CEP83: variants seen among roughly 807,000 people sequenced by gnomAD.
CEP83 encodes the protein centrosomal protein 83, also known as centrosomal protein of 83 kDa.
Under a neutral mutation model 101.9 loss-of-function variants are expected in CEP83, and 70 were observed. The ratio of observed to expected loss-of-function variants is 0.69; its 90% CI spans 0.57 to 0.84. The LOEUF is 0.84. Among genes scored for constraint, CEP83 ranks in the 40% least tolerant of loss-of-function variants. The probability of loss-of-function intolerance (pLI) is 0.00; values close to 1 mark genes in which losing one functional copy is unlikely to be tolerated. For missense variants in CEP83, 715 were observed against 787.2 expected, an observed-to-expected ratio of 0.91 and a Z score of 1.10; for synonymous variants, 264 against 267.9, an observed-to-expected ratio of 0.99 and a Z score of 0.14.
chr12:94,450,048 CATT>C lies in CEP83; in HGVS notation c.-155+9506_-155+9508del, dbSNP rs2067134469. Among the ~76,000 whole-genome samples, 4 of 152,164 alleles carry C rather than the reference CATT, an allele frequency of 2.6e-5. No homozygotes were observed. In the South Asian group the frequency reaches 8.3e-4, roughly 32 times the overall value. On this transcript the variant is annotated intron_variant, in intron 1 of 16. Transcript: ENST00000397809. ...GCATCTATAGAAAATCTACAGCTAA[CATT>C]ATACCTGATGGCAAAAATCTGCATG...
At chr12:94,403,927 A>G (rs1205330071) in intron 4 of CEP83, among the ~76,000 whole-genome samples, 2 of 151,984 alleles carry the variant, frequency 1.3e-5, no homozygotes, top group East Asian at 3.8e-4. Flanking sequence ...ATTAATTTCT[A>G]TAAAAATGAT....
At chr12:94,300,301 C>T in the CEP83 span, among the ~76,000 whole-genome samples, 1 of 152,166 alleles carries the variant, frequency 6.6e-6, no homozygotes, top group Non-Finnish European at 1.5e-5. Context: ...GAGATGGTGA[C>T]ACTTGAACCA....
the CEP83 span, among the ~76,000 whole-genome samples, chr12:94,286,317 T>C: frequency 2.6e-5 from 4 of 152,138 alleles, no homozygotes; most frequent in African/African-American, 9.7e-5. Context: ...GTCATTGGGC[T>C]CCATGTTCTC....
intron 14 of CEP83, among the ~76,000 whole-genome samples, chr12:94,327,704 C>T (rs1037128744): frequency 3.3e-5 from 5 of 152,154 alleles, no homozygotes; most frequent in African/African-American, 1.2e-4. Flanking sequence ...CCAATATATT[C>T]TGCAATTATT....
At position 94,428,077 on chromosome 12, in the gene CEP83, CTA is replaced by C. The variant is rs1416647900; in HGVS notation, c.-102+7196_-102+7197del. ...GGTTAGCAATCAACCACCAAGCACT[CTA>C]AATTAAAATGTTATTCTATTTTTAC... On this transcript the variant is annotated intron_variant, in intron 2 of 16. Coordinates refer to ENST00000397809, the MANE Select transcript of CEP83 (RefSeq NM_016122.3). 2.6e-5 allele frequency among the ~76,000 whole-genome samples: 4 copies of C among 152,206 alleles called. No individual in the cohort carries two copies. The East Asian group carries it at 7.7e-4, about 29-fold the overall frequency.
chr12:94,386,232 C>T (rs1459273260), intron 6 of CEP83, among the ~76,000 whole-genome samples: 1 of 152,130 alleles, frequency 6.6e-6, no homozygotes, highest in African/African-American at 2.4e-5. Context: ...GAGGCAAAAT[C>T]CTTCTGAGAT....
intron 11 of CEP83, among the ~76,000 whole-genome samples, chr12:94,344,912 C>T (rs1467945810): frequency 6.6e-6 from 1 of 152,048 alleles, no homozygotes; most frequent in Admixed American, 6.5e-5. Context: ...ACTACCTGAA[C>T]CAAACTTACT....
chr12:94,305,258 T>C, downstream of CEP83: 1 of 1,610,252 alleles, frequency 6.2e-7, no homozygotes, highest in African/African-American at 1.3e-5. Context: ...TCTTATTTGA[T>C]GAAAAGAAGA....
chr12:94,298,865 A>G, the CEP83 span: 3 of 1,394,454 alleles, frequency 2.2e-6, no homozygotes, highest in Non-Finnish European at 3.0e-6. Flanking sequence ...AGAAAGACAT[A>G]GATAGTTATA....
chr12:94,335,821 A>T lies in CEP83; in HGVS notation c.1344-157T>A, dbSNP rs143843759. On this transcript the variant is annotated intron_variant, in intron 11 of 16. Coordinates refer to ENST00000397809, the MANE Select transcript of CEP83 (RefSeq NM_016122.3). ...AGAAACTAGGTTGTGTTCACGTATA[A>T]CAAAAATGTAAAACAAATTACTGCT... The T allele has an allele frequency of 1.4e-3, 822 of 602,608 alleles. 4 individuals carry two copies. In the African/African-American group the frequency reaches 0.014, roughly 10 times the overall value. The allele number at this position is 602,608 out of a possible 1,614,324, so 37.3% of individuals were successfully genotyped here.
At chr12:94,380,071 CAAAAAAAAA>C (rs11362391) in intron 6 of CEP83, among the ~76,000 whole-genome samples, 1 of 83,194 alleles carries the variant, frequency 1.2e-5, no homozygotes, top group African/African-American at 4.7e-5. Flanking sequence ...CCCGGCCCTG[CAAAAAAAAA>C]AAAAAAAAAA....
Position 94,367,905 on chromosome 12 carries a change from A to G in CEP83, c.1232T>C (p.Met411Thr), listed in dbSNP as rs199617764. ...LENRLADLEK[M>T]KVEHDVWRQS... The stretch of plus-strand genomic sequence containing the variant: ...CCTCCAGACATCATGTTCCACTTTC[A>G]TTTTCTCCAAATCTGCTAATCTGTT... Residue 411 changes from methionine to threonine, a missense_variant, in exon 11 of 17, where the codon ATG becomes ACG. By Grantham distance (81) the Met-to-Thr change is moderately conservative (BLOSUM62 -1). Coordinates refer to ENST00000397809, the MANE Select transcript of CEP83 (RefSeq NM_016122.3). 587 of 1,613,628 alleles carry G rather than the reference A, an allele frequency of 3.6e-4. 4 individuals are homozygous for G. In the African/African-American group the frequency reaches 6.8e-3, roughly 19 times the overall value.
At chr12:94,448,735 GAAAAC>G (rs1327924296) in intron 1 of CEP83, among the ~76,000 whole-genome samples, 1 of 151,986 alleles carries the variant, frequency 6.6e-6, no homozygotes, top group African/African-American at 2.4e-5. Flanking sequence ...CGAATTGAAT[GAAAAC>G]AAAACACAGC....
chr12:94,435,519 A>C (rs543258928), intron 1 of CEP83, among the ~76,000 whole-genome samples, 192 bp from the exon 2 acceptor site: 1 of 152,142 alleles, frequency 6.6e-6, no homozygotes, highest in South Asian at 2.1e-4. Flanking sequence ...CAGCCAAAAA[A>C]CTCCAAAGAC....
At chr12:94,268,588 C>CTTTTTTTTTTTTTTTTTTTTTTT in the CEP83 span, among the ~76,000 whole-genome samples, 2 of 90,884 alleles carry the variant, frequency 2.2e-5, no homozygotes, top group African/African-American at 9.2e-5. Flanking sequence ...AGAATAAGAC[C>CTTTTTTTTTTTTTTTTTTTTTTT]TTTTTTTTTT....
chr12:94,389,183 T>C (rs1272587023), intron 6 of CEP83, among the ~76,000 whole-genome samples: 2 of 152,194 alleles, frequency 1.3e-5, no homozygotes, highest in Non-Finnish European at 2.9e-5. Context: ...TTAAACTATA[T>C]ATAAAGTGTT....
At chr12:94,441,589 C>T (rs2066399337) in intron 1 of CEP83, among the ~76,000 whole-genome samples, 1 of 152,158 alleles carries the variant, frequency 6.6e-6, no homozygotes, top group Admixed American at 6.5e-5. Context: ...ACTAGTACAA[C>T]CACTATAGAA....
chr12:94,336,902 C>T (rs2059473969), intron 11 of CEP83, among the ~76,000 whole-genome samples: 1 of 151,872 alleles, frequency 6.6e-6, no homozygotes, highest in African/African-American at 2.4e-5. Flanking sequence ...TTGGCTTAAG[C>T]AATCCTCCTG....
intron 5 of CEP83, 92 bp from the exon 6 acceptor site, chr12:94,401,073 A>G: frequency 3.2e-6 from 2 of 630,214 alleles, no homozygotes; most frequent in Non-Finnish European, 4.8e-6. Context: ...AAATTACATT[A>G]TAATGATAGC....
Sources: gnomAD v4.1 joint callset for allele counts (sites outside exome capture counted in the v4.1 genomes callset) on GRCh38, gnomAD v4.1.1 for gene constraint, MANE v1.5 for transcripts, NCBI Gene and HGNC (gene_info 2026-07-23, HGNC 2026-07-21) for gene names.